Variants in SLC24A2 observed in about 807,000 individuals in gnomAD.
SLC24A2 encodes the protein solute carrier family 24 member 2, also known as sodium/potassium/calcium exchanger 2.
Under a neutral mutation model 62.0 loss-of-function variants are expected in SLC24A2, and 36 were observed. The ratio of observed to expected loss-of-function variants is 0.58; its 90% confidence interval spans 0.44 to 0.77. The LOEUF is 0.77. Among genes scored for constraint, SLC24A2 ranks in the 30% least tolerant of loss-of-function variants. The pLI, the probability that SLC24A2 is intolerant of heterozygous loss-of-function variation, is 0.00. For missense variants in SLC24A2, 846 were observed against 817.9 expected (o/e 1.03, Z -0.42); for synonymous variants, 358 against 294.0 (o/e 1.22, Z -2.23).
intron 2 of SLC24A2, chr9:19,705,547 G>T: frequency 4.4e-6 from 1 of 229,732 alleles, no homozygotes. Context: ...AGAAAGAGAA[G>T]GCAGCCATGG....
intron 7 of SLC24A2, among the ~76,000 whole-genome samples, chr9:19,558,569 G>A (rs1321611790): frequency 1.3e-5 from 2 of 152,068 alleles, no homozygotes; most frequent in Admixed American, 6.6e-5. Context: ...TGGATATCTG[G>A]GGGACACTGT....
chr9:19,760,915 G>T (rs912708522), intron 2 of SLC24A2, among the ~76,000 whole-genome samples: 1 of 151,382 alleles, frequency 6.6e-6, no homozygotes, highest in East Asian at 2.0e-4. Context: ...GCCTGTTGCC[G>T]GGTGGGGGGA....
At chr9:20,277,439 C>T in the SLC24A2 span, among the ~76,000 whole-genome samples, 6 of 151,594 alleles carry the variant, frequency 4.0e-5, no homozygotes, top group Non-Finnish European at 7.3e-5. Context: ...TATGAACAGA[C>T]ACTTCTCAAA....
At chr9:19,573,608 ATGT>A in intron 6 of SLC24A2, 139 bp from the exon 7 acceptor site, 1 of 764,968 alleles carries the variant, frequency 1.3e-6, no homozygotes. Flanking sequence ...GTTTCCTAAA[ATGT>A]TGGGCTAAAG....
the SLC24A2 span, among the ~76,000 whole-genome samples, chr9:19,873,791 G>C: frequency 6.6e-6 from 1 of 152,076 alleles, no homozygotes; most frequent in African/African-American, 2.4e-5. Context: ...ATATTACACA[G>C]CTCTGAAGCT....
the SLC24A2 span, among the ~76,000 whole-genome samples, chr9:19,925,511 A>C: frequency 6.6e-6 from 1 of 152,326 alleles, no homozygotes; most frequent in East Asian, 1.9e-4. Context: ...CTTGCTGCCA[A>C]AAAGCTCTAC....
At chr9:19,923,899 C>G in the SLC24A2 span, among the ~76,000 whole-genome samples, 1 of 152,148 alleles carries the variant, frequency 6.6e-6, no homozygotes, top group African/African-American at 2.4e-5. Context: ...AGGTGTGCAC[C>G]ACCATGTCTG....
chr9:19,634,281 C>CTA (rs1818254092), intron 2 of SLC24A2, among the ~76,000 whole-genome samples: 1 of 79,296 alleles, frequency 1.3e-5, no homozygotes, highest in Admixed American at 1.7e-4. Flanking sequence ...ACTGCAGCCT[C>CTA]TTTTTTTTTT....
intron 7 of SLC24A2, among the ~76,000 whole-genome samples, chr9:19,569,349 A>G (rs1272051966): frequency 1.3e-5 from 2 of 152,010 alleles, no homozygotes; most frequent in Non-Finnish European, 2.9e-5. Context: ...TTGTCTAGTA[A>G]TTTTCTATTC....
chr9:19,963,212 T>A, the SLC24A2 span, among the ~76,000 whole-genome samples: 2 of 132,072 alleles, frequency 1.5e-5, 1 homozygote, highest in South Asian at 5.4e-4. Flanking sequence ...TATATACAAA[T>A]TAATTCAAGA....
chr9:19,522,471 G>T (rs1833247972), intron 9 of SLC24A2, among the ~76,000 whole-genome samples: 1 of 152,072 alleles, frequency 6.6e-6, no homozygotes, highest in African/African-American at 2.4e-5. Context: ...GCCTTTTAGG[G>T]AATAGAATAC....
intron 2 of SLC24A2, among the ~76,000 whole-genome samples, chr9:19,771,257 T>A (rs1822679081): frequency 6.6e-6 from 1 of 152,180 alleles, no homozygotes; most frequent in South Asian, 2.1e-4. Context: ...GTGGTGTTAT[T>A]TCCCAGGGCA....
At chr9:19,809,371 G>A in the SLC24A2 span, among the ~76,000 whole-genome samples, 45 of 152,208 alleles carry the variant, frequency 3.0e-4, no homozygotes, top group Admixed American at 1.5e-3. Context: ...AACATGTTAA[G>A]GATTTACAAA....
chr9:19,946,209 G>T, the SLC24A2 span, among the ~76,000 whole-genome samples: 2 of 152,198 alleles, frequency 1.3e-5, no homozygotes, highest in Non-Finnish European at 2.9e-5. Flanking sequence ...CTGCTGGTAA[G>T]TAAAACTGCT....
At chr9:19,736,005 A>T (rs530116185) in intron 2 of SLC24A2, among the ~76,000 whole-genome samples, 1 of 152,064 alleles carries the variant, frequency 6.6e-6, no homozygotes, top group Non-Finnish European at 1.5e-5. Context: ...TTAAAGTATA[A>T]AAAAAAAGAA....
chr9:19,623,153 C>T (rs373086594), intron 2 of SLC24A2, among the ~76,000 whole-genome samples: 2 of 152,184 alleles, frequency 1.3e-5, no homozygotes, highest in Admixed American at 6.5e-5. Context: ...TCTCCTTCTT[C>T]GCCAGAACCG....
chr9:20,128,862 T>A, the SLC24A2 span, among the ~76,000 whole-genome samples: 10,463 of 152,116 alleles, frequency 0.069, 656 homozygotes, highest in African/African-American at 0.17. Flanking sequence ...TAGGGGTATA[T>A]CTTCACGACT....
chr9:20,165,694 C>T, the SLC24A2 span, among the ~76,000 whole-genome samples: 1 of 151,738 alleles, frequency 6.6e-6, no homozygotes, highest in Non-Finnish European at 1.5e-5. Flanking sequence ...AGTACTAGAA[C>T]AAAACCTAAT....
At chr9:20,102,021 T>A in the SLC24A2 span, among the ~76,000 whole-genome samples, 4 of 152,202 alleles carry the variant, frequency 2.6e-5, no homozygotes, top group Non-Finnish European at 4.4e-5. Flanking sequence ...GACAGTATCA[T>A]TCTGTGCAAG....
Sources: allele counts gnomAD v4.1 joint callset (sites outside exome capture counted in the v4.1 genomes callset), GRCh38; gene constraint gnomAD v4.1.1; transcripts MANE v1.5; gene names NCBI Gene and HGNC (gene_info 2026-07-23, HGNC 2026-07-21).